The following PTPRD variants were observed in gnomAD, a reference collection of about 807,000 sequenced individuals.
PTPRD encodes protein tyrosine phosphatase receptor type D, also known as receptor-type tyrosine-protein phosphatase delta.
PTPRD carries 34 observed loss-of-function variants against 214.5 expected under a neutral mutation model. That is an observed-to-expected ratio of 0.16 (90% confidence interval 0.12 to 0.21). The LOEUF (loss-of-function observed/expected upper bound fraction) is 0.21, where lower values mean the gene tolerates loss of function less well. Among genes scored for constraint, PTPRD ranks in the 10% least tolerant of loss-of-function variants. The probability of loss-of-function intolerance (pLI) is 1.00; values close to 1 mark genes in which losing one functional copy is unlikely to be tolerated. For missense variants in PTPRD, 2,545 were observed against 2,398.7 expected (o/e 1.06, Z -1.27); for synonymous variants, 1,128 against 845.7 (o/e 1.33, Z -5.79).
At chr9:9,585,715 T>C (rs76175817) in intron 7 of PTPRD, among the ~76,000 whole-genome samples, 3,091 of 152,098 alleles carry the variant, frequency 0.02, 108 homozygotes, top group African/African-American at 0.07. Context: ...TTCATGAAAA[T>C]GAAGAAAGAC....
intron 7 of PTPRD, among the ~76,000 whole-genome samples, chr9:9,673,485 G>A (rs1200426143): frequency 1.3e-5 from 2 of 151,788 alleles, no homozygotes; most frequent in East Asian, 3.9e-4. Flanking sequence ...TAATCCCACT[G>A]TAGACACAGT....
intron 2 of PTPRD, among the ~76,000 whole-genome samples, chr9:10,454,530 A>C (rs1257418952): frequency 6.6e-6 from 1 of 151,718 alleles, no homozygotes; most frequent in East Asian, 1.9e-4. Flanking sequence ...AACTCACAGT[A>C]GACTATGCCT....
intron 14 of PTPRD, among the ~76,000 whole-genome samples, chr9:8,553,898 C>T (rs551761890): frequency 9.4e-4 from 143 of 152,222 alleles, no homozygotes; most frequent in African/African-American, 3.4e-3. Context: ...GAGAAAAAGA[C>T]CACAGATTAG....
At chr9:10,188,556 A>G (rs2099348209) in intron 3 of PTPRD, among the ~76,000 whole-genome samples, 1 of 151,920 alleles carries the variant, frequency 6.6e-6, no homozygotes. Flanking sequence ...ATTTTGTATA[A>G]CACTTAGATA....
intron 44 of PTPRD, among the ~76,000 whole-genome samples, chr9:8,328,161 G>T (rs1204923684): frequency 1.3e-5 from 2 of 152,152 alleles, no homozygotes; most frequent in Admixed American, 6.6e-5. Flanking sequence ...GGTACCAGTT[G>T]TTCCTTTCCA....
At chr9:9,932,272 T>C (rs1340810220) in intron 5 of PTPRD, among the ~76,000 whole-genome samples, 4 of 148,766 alleles carry the variant, frequency 2.7e-5, no homozygotes. Flanking sequence ...GACGATCAAA[T>C]TACTCTGAGC....
intron 3 of PTPRD, among the ~76,000 whole-genome samples, chr9:10,211,579 G>A (rs546691886): frequency 8.5e-5 from 13 of 152,164 alleles, no homozygotes; most frequent in African/African-American, 2.9e-4. Context: ...GAGGTGCTCC[G>A]GAACACAGCA....
intron 3 of PTPRD, among the ~76,000 whole-genome samples, chr9:10,189,408 G>C (rs945340540): frequency 6.6e-6 from 1 of 152,122 alleles, no homozygotes; most frequent in Non-Finnish European, 1.5e-5. Flanking sequence ...AGAGTAGAAA[G>C]AGTTGGGATT....
At chr9:8,620,968 T>C in intron 14 of PTPRD, among the ~76,000 whole-genome samples, 1 of 152,046 alleles carries the variant, frequency 6.6e-6, no homozygotes, top group East Asian at 1.9e-4. Context: ...TATTATTAAG[T>C]CTAAAGCTTA....
Position 8,518,012 on chromosome 9 carries a change from G to A in PTPRD, c.1379C>T (p.Thr460Ile), listed in dbSNP as rs745328135. 2.5e-6 allele frequency: 4 copies of A among 1,614,176 alleles called. No homozygotes were observed. The highest frequency in any genetic ancestry group is 3.4e-6 in the Non-Finnish European group (4 of 1,180,018). ...TTTCATCCAGTTGTTGACATGTTGA[G>A]TGGGATCCATTGTATAATAAACTCT... Reference protein sequence around the residue: ...GYRVYYTMDPTQHVNNWMKHN... With the variant: ...GYRVYYTMDPIQHVNNWMKHN... Residue 460 changes from threonine (T) to isoleucine (I), a missense_variant, in exon 21 of 46, where the codon ACT becomes ATT. By Grantham distance (89) the Thr-to-Ile change is moderately conservative (BLOSUM62 -1). Transcript: ENST00000381196.
At chr9:10,338,369 T>C (rs1316294361) in intron 3 of PTPRD, among the ~76,000 whole-genome samples, 1 of 151,694 alleles carries the variant, frequency 6.6e-6, no homozygotes, top group Non-Finnish European at 1.5e-5. Context: ...CATACCAATA[T>C]AACTTTCAAC....
intron 10 of PTPRD, among the ~76,000 whole-genome samples, chr9:9,083,273 A>G (rs1164859984): frequency 2.0e-5 from 3 of 152,172 alleles, no homozygotes; most frequent in Non-Finnish European, 4.4e-5. Flanking sequence ...CTGAGCTTTG[A>G]CAAACTTGAG....
Position 8,338,893 on chromosome 9 carries a change from GT to G in PTPRD, c.5379+28del, listed in dbSNP as rs771045772. 1.4e-5 allele frequency: 21 copies of G among 1,523,086 alleles called. 2 individuals carry two copies. In the Admixed American group the frequency reaches 2.3e-4, roughly 17 times the overall value. 94.3% of individuals were successfully genotyped at this position (1,523,086 alleles called of 1,614,324 possible). A position where few individuals can be genotyped will look rare whatever the true frequency, so the allele number is the denominator to read the frequency against. ...ATCTTAGACTACTTTTCAGCTAATG[GT>G]TAAGAGTTGAAGACTGTGCCAACTT... On this transcript the variant is annotated intron_variant, in intron 43 of 45. Coordinates refer to ENST00000381196, the MANE Select transcript of PTPRD (RefSeq NM_002839.4).
chr9:8,819,199 G>C (rs1566331308), intron 11 of PTPRD, among the ~76,000 whole-genome samples: 1 of 152,096 alleles, frequency 6.6e-6, no homozygotes, highest in African/African-American at 2.4e-5. Context: ...CCATTATTAA[G>C]TGGAAACAAT....
chr9:9,674,292 T>C (rs912876573), intron 7 of PTPRD, among the ~76,000 whole-genome samples: 2 of 151,780 alleles, frequency 1.3e-5, no homozygotes, highest in African/African-American at 4.8e-5. Flanking sequence ...CTTTGCAATG[T>C]ATATTTCCAC....
At chr9:10,545,071 A>G (rs1295839545) in intron 2 of PTPRD, among the ~76,000 whole-genome samples, 1 of 152,166 alleles carries the variant, frequency 6.6e-6, no homozygotes, top group Non-Finnish European at 1.5e-5. Flanking sequence ...TTAGAGACGT[A>G]TTTTACTGTT....
At chr9:9,285,879 T>C (rs1056173646) in intron 9 of PTPRD, among the ~76,000 whole-genome samples, 2 of 151,802 alleles carry the variant, frequency 1.3e-5, no homozygotes, top group Admixed American at 1.3e-4. Context: ...TATATCTGTA[T>C]CTATATCTAT....
chr9:9,479,488 G>C (rs2095303228), intron 8 of PTPRD, among the ~76,000 whole-genome samples: 1 of 151,900 alleles, frequency 6.6e-6, no homozygotes, highest in Non-Finnish European at 1.5e-5. Context: ...TATCAATTAA[G>C]TCCCTGACAT....
chr9:9,495,809 C>G (rs2096154848), intron 8 of PTPRD, among the ~76,000 whole-genome samples: 1 of 152,208 alleles, frequency 6.6e-6, no homozygotes, highest in Non-Finnish European at 1.5e-5. Flanking sequence ...ACCCTTTGCC[C>G]TCACTGGCAG....
Sources: allele counts gnomAD v4.1 joint callset (sites outside exome capture counted in the v4.1 genomes callset), GRCh38; gene constraint gnomAD v4.1.1; transcripts MANE v1.5; gene names NCBI Gene and HGNC (gene_info 2026-07-23, HGNC 2026-07-21).